The following PNPLA8 variants were observed in gnomAD, a reference collection of about 807,000 sequenced individuals.
PNPLA8 encodes the protein calcium-independent phospholipase A2-gamma.
A neutral mutation model predicts 76.9 loss-of-function variants in PNPLA8; 39 were observed. The ratio of observed to expected loss-of-function variants is 0.51; its 90% CI spans 0.39 to 0.66. The LOEUF (loss-of-function observed/expected upper bound fraction) is 0.66, where lower values mean the gene tolerates loss of function less well. PNPLA8 is among the 30% of genes least tolerant of loss of function. The pLI, the probability that PNPLA8 is intolerant of heterozygous loss-of-function variation, is 0.00. For missense variants in PNPLA8, 887 were observed against 918.0 expected (o/e 0.97, Z 0.44); for synonymous variants, 301 against 307.9 (o/e 0.98, Z 0.24).
intron 4 of PNPLA8, chr7:108,510,875 C>A: frequency 6.9e-6 from 11 of 1,593,140 alleles, no homozygotes; most frequent in Non-Finnish European, 7.7e-6. Context: ...ATTGTCTTCT[C>A]CACGAGGTGG....
chr7:108,471,631 TTAAA>T lies in PNPLA8; in HGVS notation c.*766_*769del, dbSNP rs1859636472. 6.6e-6 allele frequency: 1 copy of T among 152,204 alleles called. No individual in the cohort carries two copies. The highest frequency in any genetic ancestry group is 1.5e-5 in the Non-Finnish European group (1 of 68,030). The allele number at this position is 152,204 out of a possible 1,614,324, so 9.4% of individuals were successfully genotyped here. On this transcript the variant is annotated 3_prime_UTR_variant, in exon 11 of 11. Coordinates refer to ENST00000257694, the MANE Select transcript of PNPLA8 (RefSeq NM_001256007.3). ...CATTAGCCTTTTAACAACAGATTAT[TTAAA>T]TAGTTTATTTTTGTTAATGATAGGA...
chr7:108,514,000 G>A (rs1462325759), intron 4 of PNPLA8, 144 bp downstream of exon 4: 2 of 579,790 alleles, frequency 3.4e-6, no homozygotes, highest in African/African-American at 1.9e-5. Context: ...AAAATAAATA[G>A]GGTAATTACT....
At chr7:108,485,151 T>C (rs917068992) in intron 9 of PNPLA8, among the ~76,000 whole-genome samples, 1 of 152,190 alleles carries the variant, frequency 6.6e-6, no homozygotes, top group Non-Finnish European at 1.5e-5. Context: ...TATCAGATTC[T>C]TTCTCCAAAG....
chr7:108,525,124 G>A (rs548892625), intron 1 of PNPLA8, among the ~76,000 whole-genome samples: 3 of 152,220 alleles, frequency 2.0e-5, no homozygotes, highest in South Asian at 4.1e-4. Flanking sequence ...TTATAATTAC[G>A]AAATAAAAAC....
At chr7:108,507,064 T>TG (rs1347699015) in intron 4 of PNPLA8, among the ~76,000 whole-genome samples, 1 of 151,994 alleles carries the variant, frequency 6.6e-6, no homozygotes, top group African/African-American at 2.4e-5. Context: ...TCGGTGAGGC[T>TG]GGGAGCGGTG....
intron 4 of PNPLA8, among the ~76,000 whole-genome samples, chr7:108,503,660 A>G (rs1251433022): frequency 6.6e-6 from 1 of 152,234 alleles, no homozygotes; most frequent in Admixed American, 6.5e-5. Flanking sequence ...TGCTGAAGCA[A>G]CAAGAACAGA....
chr7:108,490,052 G>C (rs1321159056), intron 8 of PNPLA8, among the ~76,000 whole-genome samples: 1 of 152,162 alleles, frequency 6.6e-6, no homozygotes, highest in African/African-American at 2.4e-5. Context: ...GACTATAAAC[G>C]GGCTTCTATG....
Position 108,497,525 on chromosome 7 carries a change from G to T in PNPLA8, c.1411C>A (p.Pro471Thr). 1.2e-6 allele frequency: 2 copies of T among 1,611,900 alleles called. No homozygotes were observed. Among genetic ancestry groups the T allele is most frequent in the Non-Finnish European group, 1.7e-6 (2 of 1,178,802 alleles). Residue 471 changes from proline (P) to threonine (T), a missense_variant, in exon 6 of 11, where the codon CCA (proline) becomes ACA (threonine). Pro to Thr is a conservative substitution (Grantham distance 38, BLOSUM62 -1). Transcript: ENST00000257694. ...ATGTAATCAAAGAGCTGATGAACTG[G>T]CTTCTGAGTAAGTTCAACTAATTTT... ...LRKLVELTQK[P>T]VHQLFDYICG...
intron 5 of PNPLA8, 132 bp downstream of exon 5, chr7:108,502,359 C>A: frequency 1.4e-6 from 1 of 697,416 alleles, no homozygotes; most frequent in South Asian, 2.3e-5. Flanking sequence ...AGGAGAATCG[C>A]TTGAACCTGG....
chr7:108,488,529 G>C (rs1170140972), intron 8 of PNPLA8, among the ~76,000 whole-genome samples: 1 of 152,140 alleles, frequency 6.6e-6, no homozygotes, highest in Non-Finnish European at 1.5e-5. Flanking sequence ...CCGAGATCAC[G>C]TCACTGCACT....
chr7:108,511,331 A>G (rs1423715893), intron 4 of PNPLA8, among the ~76,000 whole-genome samples: 4 of 152,230 alleles, frequency 2.6e-5, no homozygotes, highest in African/African-American at 7.2e-5. Context: ...GCAGATTGTC[A>G]TCACTTTAAC....
intron 2 of PNPLA8, among the ~76,000 whole-genome samples, chr7:108,519,698 G>C (rs1421079311): frequency 6.6e-6 from 1 of 152,112 alleles, no homozygotes; most frequent in Non-Finnish European, 1.5e-5. Context: ...CCTGGTATAA[G>C]TATTTTGAAT....
chr7:108,507,365 A>AAAAAAC (rs1554686181), intron 4 of PNPLA8, among the ~76,000 whole-genome samples: 7 of 150,076 alleles, frequency 4.7e-5, no homozygotes, highest in Non-Finnish European at 7.4e-5. Context: ...AAAAAAAAAA[A>AAAAAAC]AGAAACAGGC....
intron 8 of PNPLA8, among the ~76,000 whole-genome samples, chr7:108,489,656 G>A (rs1485317985): frequency 6.6e-6 from 1 of 152,156 alleles, no homozygotes; most frequent in African/African-American, 2.4e-5. Flanking sequence ...TGAATCCAAA[G>A]TGCCTAGCAG....
Position 108,514,432 on chromosome 7 carries a change from T to G in PNPLA8, c.1056+4A>C. 1 of 1,598,346 alleles carries G rather than the reference T, an allele frequency of 6.3e-7. No individual in the cohort carries two copies. The highest frequency in any genetic ancestry group is 8.5e-7 in the Non-Finnish European group (1 of 1,173,068). ...AGAACCGAAAAGCACACTGAACAAC[T>G]TGCCTTTTCTCGCTGAAGAGATAAA... On this transcript the variant is annotated splice_donor_region_variant and intron_variant, in intron 3 of 10. Transcript: ENST00000257694.
intron 4 of PNPLA8, among the ~76,000 whole-genome samples, chr7:108,506,015 T>C (rs1862394158): frequency 6.6e-6 from 1 of 152,154 alleles, no homozygotes; most frequent in Non-Finnish European, 1.5e-5. Flanking sequence ...ATCATAGCTA[T>C]CAATGAAATA....
In PNPLA8 at chr7:108,515,587, GA is replaced by G. The variant is rs1172263965; in HGVS notation, c.-83-14del. The stretch of plus-strand genomic sequence containing the variant: ...TTCATGGTCTTACCTGAAATGGCAA[GA>G]AAAAAAATTAGAATTCAAGTTAAAA... On this transcript the variant is annotated splice_polypyrimidine_tract_variant and intron_variant, in intron 2 of 10. Coordinates refer to ENST00000257694, the MANE Select transcript of PNPLA8 (RefSeq NM_001256007.3). 89 of 1,249,660 alleles carry G rather than the reference GA, an allele frequency of 7.1e-5. No homozygotes were observed. Among genetic ancestry groups the G allele is most frequent in the Non-Finnish European group, 8.3e-5 (82 of 992,508 alleles). The allele number at this position is 1,249,660 out of a possible 1,614,324, so 77.4% of individuals were successfully genotyped here. A position where few individuals can be genotyped will look rare whatever the true frequency, so the allele number is the denominator to read the frequency against.
intron 4 of PNPLA8, 154 bp from the exon 5 acceptor site, chr7:108,502,796 G>C (rs1270406686): frequency 2.2e-6 from 1 of 451,044 alleles, no homozygotes; most frequent in Non-Finnish European, 3.8e-6. Context: ...ATTAGTTTTT[G>C]ATATATTAAT....
chr7:108,492,128 T>G (rs1384314183), intron 7 of PNPLA8, among the ~76,000 whole-genome samples: 1 of 152,222 alleles, frequency 6.6e-6, no homozygotes, highest in Non-Finnish European at 1.5e-5. Flanking sequence ...TTCCCTATAT[T>G]GAATACAAAG....
Sources: allele counts gnomAD v4.1 joint callset (sites outside exome capture counted in the v4.1 genomes callset), GRCh38; gene constraint gnomAD v4.1.1; transcripts MANE v1.5; gene names NCBI Gene and HGNC (gene_info 2026-07-23, HGNC 2026-07-21).